POU2AF1: variants seen among roughly 807,000 people sequenced by gnomAD.
POU2AF1 encodes POU domain class 2-associating factor 1.
POU2AF1 carries 12 observed loss-of-function variants against 26.3 expected under a neutral mutation model. The observed-to-expected ratio is 0.46, with a 90% CI of 0.29 to 0.74. The LOEUF is 0.74. Among genes scored for constraint, POU2AF1 ranks in the 30% least tolerant of loss-of-function variants. The probability of loss-of-function intolerance (pLI) is 0.09; values close to 1 mark genes in which losing one functional copy is unlikely to be tolerated. For synonymous variants in POU2AF1, 175 were observed against 148.0 expected, an observed-to-expected ratio of 1.18 and a Z score of -1.32; for missense variants, 297 against 334.5, an observed-to-expected ratio of 0.89 and a Z score of 0.87.
At chr11:111,371,391 T>C (rs1283546280) in intron 1 of POU2AF1, among the ~76,000 whole-genome samples, 3 of 152,230 alleles carry the variant, frequency 2.0e-5, no homozygotes, top group East Asian at 3.9e-4. Flanking sequence ...TGCTCACAAC[T>C]AGATTACAAA....
intron 1 of POU2AF1, among the ~76,000 whole-genome samples, chr11:111,371,948 A>C (rs1861216368): frequency 6.6e-6 from 1 of 152,008 alleles, no homozygotes; most frequent in South Asian, 2.1e-4. Context: ...CAAAGAAAGA[A>C]CAGAAGTGTC....
chr11:111,378,391 C>T (rs552002267), intron 1 of POU2AF1, among the ~76,000 whole-genome samples: 3 of 152,244 alleles, frequency 2.0e-5, no homozygotes, highest in African/African-American at 7.2e-5. Context: ...GATGAGTTGA[C>T]GCTGTTTACC....
At chr11:111,361,198 T>G (rs574525453) in intron 1 of POU2AF1, among the ~76,000 whole-genome samples, 1 of 107,222 alleles carries the variant, frequency 9.3e-6, no homozygotes, top group Admixed American at 1.1e-4. Context: ...GATCTTGCAG[T>G]CTAACGGGGA....
chr11:111,353,967 G>A lies in POU2AF1; in HGVS notation c.*294C>T, dbSNP rs1290537820. On this transcript the variant is annotated 3_prime_UTR_variant, in exon 5 of 5. Coordinates refer to ENST00000393067, the MANE Select transcript of POU2AF1 (RefSeq NM_006235.3). ...GAAGGGAGGGAGGAAAAGGAAGGAAGGGGTTGGAAAGGGAGAAGGGAAGGA... is the reference window on the plus strand; with the variant it reads ...GAAGGGAGGGAGGAAAAGGAAGGAAAGGGTTGGAAAGGGAGAAGGGAAGGA... The A allele has an allele frequency of 2.9e-5, 10 of 341,850 alleles. No individual in the cohort carries two copies. Among genetic ancestry groups the A allele is most frequent in the African/African-American group, 2.4e-5 (1 of 42,278 alleles). The allele number at this position is 341,850 out of a possible 1,614,324, so 21.2% of individuals were successfully genotyped here. A position where few individuals can be genotyped will look rare whatever the true frequency, so the allele number is the denominator to read the frequency against.
intron 1 of POU2AF1, chr11:111,363,873 G>A (rs916775798): frequency 1.0e-6 from 1 of 985,196 alleles, no homozygotes; most frequent in African/African-American, 1.7e-5. Context: ...GTCTCCCGTA[G>A]GTATCCAAGA....
At chr11:111,358,377 C>CACACACTT (rs1860905464) in intron 2 of POU2AF1, among the ~76,000 whole-genome samples, 1 of 17,970 alleles carries the variant, frequency 5.6e-5, no homozygotes, top group Non-Finnish European at 2.0e-4. Context: ...CTCACACACT[C>CACACACTT]TCTCACACAC....
rs566781352 is a variant in POU2AF1, at chr11:111,358,586, T to TCA, written c.147+200_147+201dup. ...CATACACTCACACACTCACACTCCC[T>TCA]CACACACACATACACTCTCACACAC... is the stretch of plus-strand genomic sequence containing the variant. On this transcript the variant is annotated intron_variant, in intron 2 of 4. Coordinates refer to ENST00000393067, the MANE Select transcript of POU2AF1 (RefSeq NM_006235.3). Among the ~76,000 whole-genome samples the TCA allele has an allele frequency of 1.4e-3, 161 of 116,360 alleles. 3 individuals carry two copies. Among genetic ancestry groups the TCA allele is most frequent in the Non-Finnish European group, 1.9e-3 (93 of 48,872 alleles). 76.3% of individuals were successfully genotyped at this position (116,360 alleles called of 152,430 possible).
Position 111,354,175 on chromosome 11 carries a change from T to C in POU2AF1, c.*86A>G. On this transcript the variant is annotated 3_prime_UTR_variant, in exon 5 of 5. Coordinates refer to ENST00000393067, the MANE Select transcript of POU2AF1 (RefSeq NM_006235.3). ...GAAAGTGTAGTCATGAAATGACTAC[T>C]CCAAACAAGCATGAACCTGGGGCTC... 1.4e-6 allele frequency: 2 copies of C among 1,453,254 alleles called. No individual in the cohort carries two copies. Among genetic ancestry groups the C allele is most frequent in the Non-Finnish European group, 1.9e-6 (2 of 1,058,718 alleles). The allele number at this position is 1,453,254 out of a possible 1,614,324, so 90.0% of individuals were successfully genotyped here.
intron 1 of POU2AF1, chr11:111,363,054 C>T (rs1273069923): frequency 2.4e-6 from 2 of 831,736 alleles, no homozygotes; most frequent in Non-Finnish European, 2.9e-6. Context: ...GAACAAAGAG[C>T]GCTTGGTGGA....
chr11:111,358,542 A>G (rs1028738236), intron 2 of POU2AF1, among the ~76,000 whole-genome samples: 2 of 135,838 alleles, frequency 1.5e-5, no homozygotes, highest in Non-Finnish European at 3.3e-5. Flanking sequence ...TCACACACAA[A>G]CACATACACA....
Position 111,362,049 on chromosome 11 carries a change from G to A in POU2AF1, c.17-3131C>T, listed in dbSNP as rs1213996396. Among the ~76,000 whole-genome samples, 3 of 152,256 alleles carry A rather than the reference G, an allele frequency of 2.0e-5. No homozygotes were observed. The East Asian group carries it at 5.8e-4, about 29-fold the overall frequency. On this transcript the variant is annotated intron_variant, in intron 1 of 4. Transcript: ENST00000393067. ...GCCACTTTCCCTACTGCTGGGTGGT[G>A]CCCAGCGATGACCACAGGCCCCAGG...
In POU2AF1 at chr11:111,353,499, G is replaced by A. The variant is rs765501530; in HGVS notation, c.*762C>T. On this transcript the variant is annotated 3_prime_UTR_variant, in exon 5 of 5. Transcript: ENST00000393067. Reference sequence around the variant, plus strand: ...CCCACTTCCCACCCCTTACTACTCTGAGCCCCAGGCCTTGAGATTTTGCTG... The same window carrying A: ...CCCACTTCCCACCCCTTACTACTCTAAGCCCCAGGCCTTGAGATTTTGCTG... 2 of 233,100 alleles carry A rather than the reference G, an allele frequency of 8.6e-6. No individual in the cohort carries two copies. The highest frequency in any genetic ancestry group is 1.7e-5 in the Non-Finnish European group (2 of 118,252). 14.4% of individuals were successfully genotyped at this position (233,100 alleles called of 1,614,324 possible). A position where few individuals can be genotyped will look rare whatever the true frequency, so the allele number is the denominator to read the frequency against.
intron 4 of POU2AF1, among the ~76,000 whole-genome samples, chr11:111,356,661 C>T (rs928474772): frequency 1.3e-5 from 2 of 152,162 alleles, no homozygotes; most frequent in Admixed American, 6.5e-5. Flanking sequence ...CCTTCATTCC[C>T]GGGGGAAGAG....
intron 1 of POU2AF1, among the ~76,000 whole-genome samples, chr11:111,370,509 C>G (rs1033421994): frequency 1.3e-5 from 2 of 152,122 alleles, no homozygotes; most frequent in Non-Finnish European, 2.9e-5. Context: ...CAGCTGTGAC[C>G]TGAAGAACCC....
chr11:111,362,334 G>A (rs1181563144), intron 1 of POU2AF1, among the ~76,000 whole-genome samples: 1 of 152,152 alleles, frequency 6.6e-6, no homozygotes, highest in African/African-American at 2.4e-5. Context: ...TATACTTTTA[G>A]TTATTTTTAA....
At chr11:111,361,677 C>T (rs1259048827) in intron 1 of POU2AF1, among the ~76,000 whole-genome samples, 1 of 152,188 alleles carries the variant, frequency 6.6e-6, no homozygotes, top group Non-Finnish European at 1.5e-5. Flanking sequence ...TATGGTAACA[C>T]ATGCCATATT....
At chr11:111,371,488 G>A (rs775953114) in intron 1 of POU2AF1, among the ~76,000 whole-genome samples, 1 of 152,000 alleles carries the variant, frequency 6.6e-6, no homozygotes, top group Admixed American at 6.6e-5. Flanking sequence ...TTACAAGGTC[G>A]GTAGGAAAAT....
rs1447575249 is a variant in POU2AF1 at position 111,354,453 on chromosome 11, G to A, written c.579C>T (p.Tyr193=). ...LSTLPTSTLQ[Y]QPPAPALPGP... is the part of the protein sequence containing the mutation. ...CAGGTAGGGCTGGGGCCGGAGGCTG[G>A]TACTGCAGGGTGGAGGTGGGTAGTG... Residue 193 remains tyrosine, a synonymous_variant, in exon 5 of 5, where the codon TAC becomes TAT. Transcript: ENST00000393067. 3 of 1,613,666 alleles carry A rather than the reference G, an allele frequency of 1.9e-6. No homozygotes were observed. The highest frequency in any genetic ancestry group is 2.5e-6 in the Non-Finnish European group (3 of 1,179,806).
intron 2 of POU2AF1, among the ~76,000 whole-genome samples, chr11:111,358,446 A>ACACACACACACT (rs1860917961): frequency 2.0e-5 from 2 of 101,022 alleles, no homozygotes; most frequent in African/African-American, 7.2e-5. Context: ...TCACTCTCAC[A>ACACACACACACT]CACACACACT....
Sources: gnomAD v4.1 joint callset for allele counts (sites outside exome capture counted in the v4.1 genomes callset) on GRCh38, gnomAD v4.1.1 for gene constraint, MANE v1.5 for transcripts, NCBI Gene and HGNC (gene_info 2026-07-23, HGNC 2026-07-21) for gene names.